BRWD3: variants seen among roughly 807,000 people sequenced by gnomAD.
The protein encoded by BRWD3 is bromodomain and WD repeat domain containing 3.
BRWD3 carries 10 observed loss-of-function variants against 149.7 expected under a neutral mutation model. The observed-to-expected ratio is 0.07, with a 90% CI of 0.04 to 0.11. The LOEUF (loss-of-function observed/expected upper bound fraction) is 0.11, where lower values mean the gene tolerates loss of function less well. BRWD3 is among the 10% of genes least tolerant of loss of function. BRWD3 has a pLI of 1.00. For synonymous variants in BRWD3, 504 were observed against 456.7 expected (o/e 1.10, Z -1.32); for missense variants, 940 against 1,373.2 (o/e 0.68, Z 4.99).
intron 20 of BRWD3, among the ~76,000 whole-genome samples, chrX:80,714,647 C>T (rs1464942410): frequency 2.7e-5 from 3 of 111,875 alleles, no homozygotes; most frequent in Non-Finnish European, 5.6e-5. Context: ...GGCACAGAGT[C>T]TCAGGATCTC....
chrX:80,755,354 T>C (rs1486159193), intron 6 of BRWD3, among the ~76,000 whole-genome samples: 1 of 111,430 alleles, frequency 9.0e-6, no homozygotes, highest in Non-Finnish European at 1.9e-5. Context: ...TAAGGTGCAA[T>C]ATAGGAAATA....
At chrX:80,711,875 CT>C (rs1379217985) in intron 20 of BRWD3, among the ~76,000 whole-genome samples, 3 of 111,633 alleles carry the variant, frequency 2.7e-5, no homozygotes, top group African/African-American at 9.8e-5. Flanking sequence ...TGTCTTGTCT[CT>C]CTAAATTGTA....
intron 21 of BRWD3, among the ~76,000 whole-genome samples, chrX:80,708,377 C>G (rs958399377): frequency 1.0e-4 from 10 of 98,915 alleles, no homozygotes; most frequent in Non-Finnish European, 2.0e-5. Flanking sequence ...GCCTGGACAA[C>G]AGAACAAGAC....
intron 8 of BRWD3, among the ~76,000 whole-genome samples, chrX:80,742,341 G>C (rs2073525148): frequency 9.4e-6 from 1 of 106,690 alleles, no homozygotes; most frequent in African/African-American, 3.5e-5. Context: ...AAGTCAGGTA[G>C]TGTGATGCCT....
At chrX:80,735,270 G>A in intron 9 of BRWD3, 73 bp from the exon 10 acceptor site, 2 of 795,559 alleles carry the variant, frequency 2.5e-6, no homozygotes, top group South Asian at 4.2e-5. Flanking sequence ...GCGCACTACT[G>A]GATACTGATC....
At chrX:80,726,044 G>A (rs2073229851) in intron 14 of BRWD3, among the ~76,000 whole-genome samples, 2 of 89,491 alleles carry the variant, frequency 2.2e-5, no homozygotes, top group African/African-American at 4.0e-5. Flanking sequence ...ATGTTTACAT[G>A]TTATGTCTAT....
Position 80,673,408 on chromosome X carries a change from G to A in BRWD3, c.*3201C>T, listed in dbSNP as rs898289689. The A allele has an allele frequency of 5.4e-5, 6 of 111,765 alleles. No homozygotes were observed. Among genetic ancestry groups the A allele is most frequent in the African/African-American group, 1.9e-4 (6 of 30,838 alleles). The allele number at this position is 111,765 out of a possible 1,213,427, so 9.2% of individuals were successfully genotyped here. A position where few individuals can be genotyped will look rare whatever the true frequency, so the allele number is the denominator to read the frequency against. Reference sequence around the variant, plus strand: ...GCAGTAAATATACAGGCTAAGAGCTGTAGAGAGGCAAAAAGTTGGCAGACT... The same window carrying A: ...GCAGTAAATATACAGGCTAAGAGCTATAGAGAGGCAAAAAGTTGGCAGACT... On this transcript the variant is annotated 3_prime_UTR_variant, in exon 41 of 41. Transcript: ENST00000373275.
In BRWD3 at chrX:80,744,179, A is replaced by G. The variant is rs773645892; in HGVS notation, c.666T>C (p.Ser222=). ...TAACAGCCATGTCAGAAATTTCAGC[A>G]GAGTGTCCACGAAGTGTAGCAAGAA... The part of the protein sequence containing the change: ...GRLLATLRGH[S]AEISDMAVNY... Residue 222 remains serine (S), a synonymous_variant, in exon 8 of 41, where the codon TCT becomes TCC. Coordinates refer to ENST00000373275, the MANE Select transcript of BRWD3 (RefSeq NM_153252.5). 8.3e-7 allele frequency: 1 copy of G among 1,211,735 alleles called. No individual in the cohort carries two copies. The highest frequency in any genetic ancestry group is 1.1e-6 in the Non-Finnish European group (1 of 895,346).
rs545281823 is a variant in BRWD3 at position 80,809,700 on chromosome X, G to GGA, written c.-231_-230dup. 36,367 of 309,109 alleles carry GGA rather than the reference G, an allele frequency of 0.12. 2,867 individuals carry two copies. Among genetic ancestry groups the GGA allele is most frequent in the East Asian group, 0.48 (9,785 of 20,363 alleles). The allele number at this position is 309,109 out of a possible 1,213,427, so 25.5% of individuals were successfully genotyped here. ...AGGAGGAAGGAGAGGAGAGGGAGAG[G>GGA]GAGAGAGAGAGTGAGTGAGTGAGAG... On this transcript the variant is annotated 5_prime_UTR_variant, in exon 1 of 41. Coordinates refer to ENST00000373275, the MANE Select transcript of BRWD3 (RefSeq NM_153252.5).
intron 4 of BRWD3, among the ~76,000 whole-genome samples, chrX:80,794,380 C>T (rs1215930255): frequency 1.9e-5 from 2 of 107,627 alleles, no homozygotes; most frequent in African/African-American, 6.8e-5. Flanking sequence ...GTGGCTGCAC[C>T]TCTAATCTCA....
At chrX:80,683,414 G>A (rs1238086979) in intron 37 of BRWD3, among the ~76,000 whole-genome samples, 2 of 111,010 alleles carry the variant, frequency 1.8e-5, no homozygotes, top group Admixed American at 9.6e-5. Context: ...CAAGGGGGAG[G>A]GGGAAGCAAG....
intron 10 of BRWD3, 28 bp from the exon 11 acceptor site, chrX:80,734,246 A>T: frequency 4.0e-6 from 4 of 1,005,812 alleles, no homozygotes; most frequent in Non-Finnish European, 5.6e-6. Flanking sequence ...AAAACAAAAC[A>T]TAGTACCAAG....
chrX:80,701,859 G>A (rs1334057317), intron 24 of BRWD3, among the ~76,000 whole-genome samples: 1 of 110,646 alleles, frequency 9.0e-6, no homozygotes, highest in Non-Finnish European at 1.9e-5. Flanking sequence ...GCTGTGATAA[G>A]GCATAAAACC....
intron 26 of BRWD3, among the ~76,000 whole-genome samples, chrX:80,696,239 T>C (rs1264342800): frequency 9.0e-6 from 1 of 111,052 alleles, no homozygotes. Flanking sequence ...AGGTATTTTA[T>C]ATTAAGGAGT....
At chrX:80,707,113 T>A (rs903576882) in intron 22 of BRWD3, among the ~76,000 whole-genome samples, 2 of 112,431 alleles carry the variant, frequency 1.8e-5, no homozygotes, top group African/African-American at 6.5e-5. Context: ...TCAGCTTCAT[T>A]ATTGGACCAT....
At chrX:80,764,121 C>A (rs1602407429) in intron 6 of BRWD3, among the ~76,000 whole-genome samples, 1 of 112,033 alleles carries the variant, frequency 8.9e-6, no homozygotes. Context: ...GGAAGAACAG[C>A]CTTTTCAACA....
In BRWD3 at chrX:80,685,475, G is replaced by A. The variant is rs1216835265; in HGVS notation, c.4067C>T (p.Ser1356Leu). ...TACCAGGCCTACCTCAGAAAGAGATGAATCTTGTTGTCTTTCTGGAACAAC... is the reference window on the plus strand; with the variant it reads ...TACCAGGCCTACCTCAGAAAGAGATAAATCTTGTTGTCTTTCTGGAACAAC... ...ESVVPERQQD[S>L]SLSEDYQDVI... is the part of the protein sequence containing the mutation. Residue 1356 changes from serine to leucine, a missense_variant, in exon 36 of 41, where the codon TCA becomes TTA. Ser to Leu is a moderately radical substitution (Grantham distance 145). Transcript: ENST00000373275. 8.3e-7 allele frequency: 1 copy of A among 1,207,095 alleles called. No homozygotes were observed. The highest frequency in any genetic ancestry group is 1.1e-6 in the Non-Finnish European group (1 of 891,821).
chrX:80,748,590 C>T (rs758833485), intron 6 of BRWD3, among the ~76,000 whole-genome samples: 33 of 111,769 alleles, frequency 3.0e-4, no homozygotes, highest in Non-Finnish European at 6.0e-4. Context: ...TGTTCAGTTT[C>T]CACTTTCATC....
Position 80,673,899 on chromosome X carries a change from C to T in BRWD3, c.*2710G>A, listed in dbSNP as rs898420202. 1.7e-4 allele frequency: 19 copies of T among 110,519 alleles called. 1 individual carries two copies. Among genetic ancestry groups the T allele is most frequent in the Non-Finnish European group, 3.6e-4 (19 of 52,750 alleles). The allele number at this position is 110,519 out of a possible 1,213,427, so 9.1% of individuals were successfully genotyped here. ...CCAGATTTTACGTAGGTTTAAAGGG[C>T]CTCAAAGAAATTAAAATGATAAAGT... On this transcript the variant is annotated 3_prime_UTR_variant, in exon 41 of 41. Transcript: ENST00000373275.
Sources: allele counts gnomAD v4.1 joint callset (sites outside exome capture counted in the v4.1 genomes callset), GRCh38; gene constraint gnomAD v4.1.1; transcripts MANE v1.5; gene names NCBI Gene and HGNC (gene_info 2026-07-23, HGNC 2026-07-21).